ARHGAP42: variants seen among roughly 807,000 people sequenced by gnomAD.
The protein encoded by ARHGAP42 is Rho GTPase activating protein 42, also known as rho GTPase-activating protein 42.
A neutral mutation model predicts 125.0 loss-of-function variants in ARHGAP42; 63 were observed. The ratio of observed to expected loss-of-function variants is 0.50; its 90% CI spans 0.41 to 0.62. The LOEUF (loss-of-function observed/expected upper bound fraction) is 0.62, where lower values mean the gene tolerates loss of function less well. Among genes scored for constraint, ARHGAP42 ranks in the 20% least tolerant of loss-of-function variants. ARHGAP42 has a pLI of 0.00. For missense variants in ARHGAP42, 766 were observed against 1,024.2 expected (o/e 0.75, Z 3.44); for synonymous variants, 339 against 351.0 (o/e 0.97, Z 0.38).
At chr11:100,743,158 G>T (rs1862224269) in intron 1 of ARHGAP42, among the ~76,000 whole-genome samples, 1 of 152,004 alleles carries the variant, frequency 6.6e-6, no homozygotes, top group Non-Finnish European at 1.5e-5. Context: ...TGTTTTATAG[G>T]CCCTGTGAGT....
chr11:100,945,889 A>G (rs978788022), intron 10 of ARHGAP42, among the ~76,000 whole-genome samples: 12 of 152,050 alleles, frequency 7.9e-5, no homozygotes, highest in Admixed American at 1.3e-4. Context: ...CTCTAACAAG[A>G]GTCAGCCTAT....
At chr11:100,806,507 G>A (rs1369269279) in intron 3 of ARHGAP42, among the ~76,000 whole-genome samples, 1 of 151,988 alleles carries the variant, frequency 6.6e-6, no homozygotes, top group East Asian at 1.9e-4. Context: ...TATGTTTCTG[G>A]TATGTCTTAG....
chr11:100,815,899 G>A (rs141433168), intron 3 of ARHGAP42, among the ~76,000 whole-genome samples: 34 of 152,196 alleles, frequency 2.2e-4, no homozygotes, highest in South Asian at 4.1e-4. Context: ...GAATTATATA[G>A]TATTTGTCTT....
chr11:100,743,924 G>A (rs1862240779), intron 1 of ARHGAP42, among the ~76,000 whole-genome samples: 1 of 152,104 alleles, frequency 6.6e-6, no homozygotes, highest in Non-Finnish European at 1.5e-5. Flanking sequence ...ATTTCCAGAA[G>A]TTCTGATTGG....
rs533210129 is a variant in ARHGAP42, at chr11:100,780,667, T to C, written c.250+10229T>C. Among the ~76,000 whole-genome samples, 8 of 152,376 alleles carry C rather than the reference T, an allele frequency of 5.3e-5. No individual in the cohort carries two copies. The South Asian group carries it at 1.7e-3, about 32-fold the overall frequency. Reference sequence around the variant, plus strand: ...GTCAGAAACCGGCTTTGTAGCTTTCTCTTGCCTCTCTTTTGAACTTGTCTG... The same window carrying C: ...GTCAGAAACCGGCTTTGTAGCTTTCCCTTGCCTCTCTTTTGAACTTGTCTG... On this transcript the variant is annotated intron_variant, in intron 2 of 23. Coordinates refer to ENST00000298815, the MANE Select transcript of ARHGAP42 (RefSeq NM_152432.4).
rs572891007 is a variant in ARHGAP42, at chr11:100,693,607, A to C, written c.154+5775A>C. On this transcript the variant is annotated intron_variant, in intron 1 of 23. Coordinates refer to ENST00000298815, the MANE Select transcript of ARHGAP42 (RefSeq NM_152432.4). The stretch of plus-strand genomic sequence containing the variant: ...TTATTTCTCCTAGATTTCTTTTTTC[A>C]GCCCATTGTAATTAAAGGCCTCTCC... Among the ~76,000 whole-genome samples, 499 of 152,174 alleles carry C rather than the reference A, an allele frequency of 3.3e-3. 2 individuals carry two copies. The highest frequency in any genetic ancestry group is 5.2e-3 in the Non-Finnish European group (352 of 68,004).
At chr11:100,978,792 G>A (rs1402754190) in intron 21 of ARHGAP42, among the ~76,000 whole-genome samples, 195 bp from the exon 22 acceptor site, 1 of 152,054 alleles carries the variant, frequency 6.6e-6, no homozygotes, top group Non-Finnish European at 1.5e-5. Flanking sequence ...ATTACAGCCT[G>A]GTACTCTGTA....
intron 17 of ARHGAP42, among the ~76,000 whole-genome samples, chr11:100,969,030 A>T (rs1218287213): frequency 6.6e-6 from 1 of 152,048 alleles, no homozygotes; most frequent in Non-Finnish European, 1.5e-5. Context: ...TTTAGTATTT[A>T]TTGTGATGCA....
At chr11:100,825,445 G>A (rs1864492146) in intron 3 of ARHGAP42, among the ~76,000 whole-genome samples, 1 of 152,168 alleles carries the variant, frequency 6.6e-6, no homozygotes, top group Non-Finnish European at 1.5e-5. Flanking sequence ...ATTAAATAAA[G>A]TGTTTTGTTT....
In ARHGAP42 at chr11:100,805,733, G is replaced by C. The variant is rs533240857; in HGVS notation, c.312+10567G>C. ...GAACTGAAGGTCCCTTCCCTTTTTA[G>C]ACCATGTAGGGTAACTTCCTGACAT... On this transcript the variant is annotated intron_variant, in intron 3 of 23. Transcript: ENST00000298815. Among the ~76,000 whole-genome samples, 496 of 152,306 alleles carry C rather than the reference G, an allele frequency of 3.3e-3. 2 individuals are homozygous for C. Among genetic ancestry groups the C allele is most frequent in the Non-Finnish European group, 3.5e-3 (235 of 68,028 alleles).
chr11:100,825,984 G>C (rs1328356718), intron 3 of ARHGAP42, among the ~76,000 whole-genome samples: 2 of 152,028 alleles, frequency 1.3e-5, no homozygotes, highest in Admixed American at 1.3e-4. Flanking sequence ...GTTTTTGATC[G>C]GTTCCTCAGA....
chr11:100,862,007 G>A (rs1271086067), intron 4 of ARHGAP42, among the ~76,000 whole-genome samples: 1 of 152,100 alleles, frequency 6.6e-6, no homozygotes, highest in African/African-American at 2.4e-5. Flanking sequence ...AGGCTGAGAA[G>A]GAAGGAACAA....
chr11:100,889,124 G>A (rs917579933), intron 4 of ARHGAP42, among the ~76,000 whole-genome samples: 5 of 152,182 alleles, frequency 3.3e-5, no homozygotes, highest in Admixed American at 3.3e-4. Flanking sequence ...TAAGTGTTCA[G>A]TAAATATTTA....
intron 1 of ARHGAP42, among the ~76,000 whole-genome samples, chr11:100,720,180 A>C (rs947669865): frequency 6.6e-6 from 1 of 152,226 alleles, no homozygotes; most frequent in African/African-American, 2.4e-5. Flanking sequence ...GGCCTGGTGT[A>C]TGTGAGATGG....
chr11:100,913,432 T>G lies in ARHGAP42; in HGVS notation c.385-20T>G. The G allele has an allele frequency of 8.6e-7, 1 of 1,156,282 alleles. No homozygotes were observed. The highest frequency in any genetic ancestry group is 1.1e-6 in the Non-Finnish European group (1 of 888,664). 71.6% of individuals were successfully genotyped at this position (1,156,282 alleles called of 1,614,324 possible). Reference sequence around the variant, plus strand: ...GGTGCTCTGAGTTAAATATTTTTTGTTGTTATTGCTCTCCTTTAGGATGGA... The same window carrying G: ...GGTGCTCTGAGTTAAATATTTTTTGGTGTTATTGCTCTCCTTTAGGATGGA... On this transcript the variant is annotated intron_variant, in intron 4 of 23. Coordinates refer to ENST00000298815, the MANE Select transcript of ARHGAP42 (RefSeq NM_152432.4).
intron 3 of ARHGAP42, among the ~76,000 whole-genome samples, chr11:100,813,534 A>T (rs1440097034): frequency 6.6e-6 from 1 of 152,200 alleles, no homozygotes; most frequent in Non-Finnish European, 1.5e-5. Flanking sequence ...GAAATTTGGA[A>T]ATCACCAATG....
intron 3 of ARHGAP42, among the ~76,000 whole-genome samples, chr11:100,831,295 TA>T (rs1415080944): frequency 1.3e-5 from 2 of 152,128 alleles, no homozygotes; most frequent in Admixed American, 1.3e-4. Context: ...ATCATTAGGT[TA>T]TTAAACAAGG....
At chr11:100,913,286 T>C (rs190292704) in intron 4 of ARHGAP42, among the ~76,000 whole-genome samples, 166 bp from the exon 5 acceptor site, 2 of 152,320 alleles carry the variant, frequency 1.3e-5, no homozygotes, top group African/African-American at 2.4e-5. Context: ...TGAAATGGCT[T>C]GTTTCACTTA....
intron 5 of ARHGAP42, among the ~76,000 whole-genome samples, chr11:100,921,216 T>TAC (rs1867239045): frequency 3.0e-5 from 1 of 33,306 alleles, no homozygotes. Context: ...TATATATACA[T>TAC]ATATATATAT....
Sources: allele counts gnomAD v4.1 joint callset (sites outside exome capture counted in the v4.1 genomes callset), GRCh38; gene constraint gnomAD v4.1.1; transcripts MANE v1.5; gene names NCBI Gene and HGNC (gene_info 2026-07-23, HGNC 2026-07-21).